SDK1: variants seen among roughly 807,000 people sequenced by gnomAD.
SDK1 encodes the protein sidekick cell adhesion molecule 1.
SDK1 carries 157 observed loss-of-function variants against 245.5 expected under a neutral mutation model. The ratio of observed to expected loss-of-function variants is 0.64; its 90% CI spans 0.56 to 0.73. The LOEUF (loss-of-function observed/expected upper bound fraction) is 0.73. Ranked by LOEUF, SDK1 falls within the 30% of genes least tolerant of loss-of-function variation. The probability of loss-of-function intolerance (pLI) is 0.00; values close to 1 mark genes in which losing one functional copy is unlikely to be tolerated. For missense variants in SDK1, 3,583 were observed against 3,002.3 expected (o/e 1.19, Z -4.52); for synonymous variants, 1,647 against 1,278.5 (o/e 1.29, Z -6.15).
chr7:3,530,353 A>G (rs1425779848), intron 1 of SDK1, among the ~76,000 whole-genome samples: 1 of 152,194 alleles, frequency 6.6e-6, no homozygotes, highest in African/African-American at 2.4e-5. Flanking sequence ...TTTCAATGAA[A>G]GTTTATGGAT....
chr7:3,532,539 A>G (rs1783382782), intron 1 of SDK1, among the ~76,000 whole-genome samples: 1 of 152,140 alleles, frequency 6.6e-6, no homozygotes, highest in Non-Finnish European at 1.5e-5. Flanking sequence ...ACACACACTA[A>G]GTAGTGATGG....
At position 3,900,837 on chromosome 7, in the gene SDK1, C is replaced by T. The variant is rs551090571; in HGVS notation, c.848-50086C>T. On this transcript the variant is annotated intron_variant, in intron 5 of 44. Coordinates refer to ENST00000404826, the MANE Select transcript of SDK1 (RefSeq NM_152744.4). ...CAGACATTCCTCCCTAATACTCCAG[C>T]GATCTTCAACATAACCACCATAAAA... Among the ~76,000 whole-genome samples, 11 of 152,196 alleles carry T rather than the reference C, an allele frequency of 7.2e-5. No homozygotes were observed. In the East Asian group the frequency reaches 1.4e-3, roughly 19 times the overall value.
chr7:4,217,555 G>A (rs1315824495), intron 38 of SDK1, among the ~76,000 whole-genome samples: 8 of 142,610 alleles, frequency 5.6e-5, no homozygotes, highest in East Asian at 2.1e-4. Flanking sequence ...CAGGCCACCC[G>A]GAGAACCACA....
intron 7 of SDK1, among the ~76,000 whole-genome samples, chr7:3,956,512 G>A (rs777636944): frequency 7.9e-5 from 12 of 152,208 alleles, no homozygotes; most frequent in African/African-American, 2.9e-4. Context: ...CTCTGCACCT[G>A]CTCCCCAGGC....
intron 5 of SDK1, among the ~76,000 whole-genome samples, chr7:3,847,903 C>T (rs1480639546): frequency 5.9e-5 from 9 of 152,160 alleles, no homozygotes; most frequent in South Asian, 2.1e-4. Context: ...TATTGCACTC[C>T]GCTGCACCCC....
intron 4 of SDK1, among the ~76,000 whole-genome samples, chr7:3,710,523 C>T (rs1262060946): frequency 6.6e-6 from 1 of 152,208 alleles, no homozygotes; most frequent in African/African-American, 2.4e-5. Context: ...GGAAAAATCT[C>T]CTGTTTTCAT....
intron 4 of SDK1, among the ~76,000 whole-genome samples, chr7:3,756,908 G>T (rs1020009884): frequency 6.6e-6 from 1 of 152,148 alleles, no homozygotes; most frequent in African/African-American, 2.4e-5. Flanking sequence ...TATTCCTGGC[G>T]ATGCGAACCT....
chr7:4,225,903 C>T (rs888113785), intron 40 of SDK1, among the ~76,000 whole-genome samples: 2 of 152,054 alleles, frequency 1.3e-5, no homozygotes, highest in African/African-American at 2.4e-5. Context: ...AGGTCGCCAA[C>T]GATCTCCCCT....
intron 4 of SDK1, among the ~76,000 whole-genome samples, chr7:3,662,670 G>C (rs1481265669): frequency 2.6e-5 from 4 of 152,184 alleles, no homozygotes; most frequent in Non-Finnish European, 4.4e-5. Context: ...CGGGTTCTTT[G>C]TCTTCTAAAT....
chr7:3,503,956 C>T (rs1443031536), intron 1 of SDK1, among the ~76,000 whole-genome samples: 1 of 151,890 alleles, frequency 6.6e-6, no homozygotes, highest in Admixed American at 6.6e-5. Flanking sequence ...TTGAGACCAA[C>T]TTGACCAACA....
chr7:4,047,681 T>C (rs1171263054), intron 17 of SDK1, among the ~76,000 whole-genome samples: 1 of 152,204 alleles, frequency 6.6e-6, no homozygotes, highest in Non-Finnish European at 1.5e-5. Flanking sequence ...AGAATTTCCA[T>C]TGTCTCCTCC....
Position 4,127,427 on chromosome 7 carries a change from G to T in SDK1, c.3870G>T (p.Ser1290=), listed in dbSNP as rs144535926. The T allele has an allele frequency of 1.9e-6, 3 of 1,614,040 alleles. No homozygotes were observed. In the South Asian group the frequency reaches 3.3e-5, roughly 18 times the overall value. ...PENVSAEAVS[S]TQILLTWTSV... ...ACGTGTCAGCCGAGGCTGTCAGCTC[G>T]ACCCAGATTTTACTGACATGGACAT... Residue 1290 remains serine (S), a synonymous_variant, in exon 26 of 45, where the codon TCG becomes TCT. Transcript: ENST00000404826.
intron 4 of SDK1, among the ~76,000 whole-genome samples, chr7:3,670,201 C>T (rs1190124802): frequency 6.6e-6 from 1 of 152,188 alleles, no homozygotes; most frequent in Non-Finnish European, 1.5e-5. Context: ...TGAACCTGAT[C>T]TTGTTACTCT....
intron 10 of SDK1, 137 bp downstream of exon 10, chr7:3,967,571 G>T (rs1281262358): frequency 1.2e-5 from 8 of 641,388 alleles, no homozygotes; most frequent in Non-Finnish European, 1.9e-5. Context: ...TCTTATTGCA[G>T]CAGTCCCCAA....
intron 5 of SDK1, among the ~76,000 whole-genome samples, chr7:3,821,845 T>G (rs1220970584): frequency 6.6e-6 from 1 of 152,218 alleles, no homozygotes; most frequent in Non-Finnish European, 1.5e-5. Context: ...GTATTTGCTT[T>G]TTATACACAG....
rs535687895 is a variant in SDK1 at position 4,106,539 on chromosome 7, A to G, written c.3325-4124A>G. 4.6e-5 allele frequency among the ~76,000 whole-genome samples: 7 copies of G among 151,940 alleles called. No homozygotes were observed. In the South Asian group the frequency reaches 1.5e-3, roughly 32 times the overall value. ...TCTCAATCTCCTGACCTTGTGATCC[A>G]CCCACCTCGACCTCCCAAAGTGCTG... is the stretch of plus-strand genomic sequence containing the variant. On this transcript the variant is annotated intron_variant, in intron 22 of 44. Coordinates refer to ENST00000404826, the MANE Select transcript of SDK1 (RefSeq NM_152744.4).
At chr7:4,164,610 T>A (rs2128213841) in intron 32 of SDK1, among the ~76,000 whole-genome samples, 1 of 152,326 alleles carries the variant, frequency 6.6e-6, no homozygotes, top group African/African-American at 2.4e-5. Context: ...AGCCTGCCAA[T>A]ACCTTACCTA....
chr7:3,500,749 T>C (rs1782176574), intron 1 of SDK1, among the ~76,000 whole-genome samples: 1 of 152,104 alleles, frequency 6.6e-6, no homozygotes, highest in Non-Finnish European at 1.5e-5. Flanking sequence ...AATTTTTTCC[T>C]CTCCTTTCTT....
At chr7:4,192,494 C>G (rs779090730) in intron 35 of SDK1, among the ~76,000 whole-genome samples, 3 of 152,158 alleles carry the variant, frequency 2.0e-5, no homozygotes, top group African/African-American at 4.8e-5. Flanking sequence ...CCAGGATGGT[C>G]TCGATCTCCT....
Sources: allele counts gnomAD v4.1 joint callset (sites outside exome capture counted in the v4.1 genomes callset), GRCh38; gene constraint gnomAD v4.1.1; transcripts MANE v1.5; gene names NCBI Gene and HGNC (gene_info 2026-07-23, HGNC 2026-07-21).